The following NEGR1 variants were observed in gnomAD, a reference collection of about 807,000 sequenced individuals.
NEGR1 encodes IgLON family member 4.
NEGR1 carries 10 observed loss-of-function variants against 40.9 expected under a neutral mutation model. That is an observed-to-expected ratio of 0.24 (90% CI 0.15 to 0.42). The LOEUF is 0.42. NEGR1 is among the 10% of genes least tolerant of loss of function. The pLI, the probability that NEGR1 is intolerant of heterozygous loss-of-function variation, is 1.00. For missense variants in NEGR1, 352 were observed against 438.9 expected (o/e 0.80, Z 1.77); for synonymous variants, 185 against 166.8 (o/e 1.11, Z -0.84).
At chr1:71,554,571 C>T (rs1047873704) in intron 6 of NEGR1, among the ~76,000 whole-genome samples, 9 of 151,354 alleles carry the variant, frequency 5.9e-5, no homozygotes, top group Non-Finnish European at 1.3e-4. Flanking sequence ...TCTCACCCTC[C>T]TGCACCCTGT....
At chr1:72,048,355 C>T (rs1647022346) in intron 1 of NEGR1, among the ~76,000 whole-genome samples, 1 of 150,580 alleles carries the variant, frequency 6.6e-6, no homozygotes, top group African/African-American at 2.4e-5. Context: ...AAGCTGAAGT[C>T]TCTACTAAAT....
chr1:71,901,795 T>C (rs1661151243), intron 2 of NEGR1, among the ~76,000 whole-genome samples: 1 of 151,302 alleles, frequency 6.6e-6, no homozygotes, highest in African/African-American at 2.4e-5. Flanking sequence ...CTCAGCCTCC[T>C]GAGTAGCTGC....
intron 3 of NEGR1, among the ~76,000 whole-genome samples, chr1:71,759,817 C>T (rs1655879510): frequency 6.6e-6 from 1 of 151,314 alleles, no homozygotes; most frequent in Non-Finnish European, 1.5e-5. Context: ...GGCATGTCAC[C>T]CTGACTGGTC....
At chr1:72,033,581 C>T (rs1184687107) in intron 1 of NEGR1, among the ~76,000 whole-genome samples, 1 of 152,162 alleles carries the variant, frequency 6.6e-6, no homozygotes, top group East Asian at 1.9e-4. Context: ...AACATATTAA[C>T]ATATGCAACC....
chr1:72,131,551 T>C (rs1650249724), intron 1 of NEGR1, among the ~76,000 whole-genome samples: 1 of 152,182 alleles, frequency 6.6e-6, no homozygotes, highest in African/African-American at 2.4e-5. Flanking sequence ...TATGTAACTG[T>C]GGAACTAGCA....
intron 6 of NEGR1, among the ~76,000 whole-genome samples, chr1:71,453,217 G>A (rs76407726): frequency 0.013 from 2,034 of 152,204 alleles, 18 homozygotes; most frequent in Non-Finnish European, 0.021. Context: ...ATGGATTCAG[G>A]GAGCAGGATA....
intron 4 of NEGR1, among the ~76,000 whole-genome samples, chr1:71,628,212 C>T (rs1650850471): frequency 1.3e-5 from 2 of 151,918 alleles, no homozygotes; most frequent in South Asian, 4.1e-4. Flanking sequence ...ATGGTTCCTG[C>T]CTTAGAGAAG....
intron 2 of NEGR1, among the ~76,000 whole-genome samples, chr1:71,927,211 G>T (rs1645782655): frequency 6.6e-6 from 1 of 152,142 alleles, no homozygotes; most frequent in Admixed American, 6.5e-5. Context: ...ATTCTAGCCA[G>T]AAGGGATTGT....
chr1:71,546,020 G>T (rs1226503072), intron 6 of NEGR1, among the ~76,000 whole-genome samples: 1 of 151,666 alleles, frequency 6.6e-6, no homozygotes, highest in East Asian at 2.0e-4. Context: ...ATAAATCTGT[G>T]TCTGATAAAC....
At chr1:71,952,770 T>C (rs1004146736) in intron 1 of NEGR1, among the ~76,000 whole-genome samples, 20 of 151,964 alleles carry the variant, frequency 1.3e-4, no homozygotes, top group Admixed American at 5.9e-4. Flanking sequence ...GGGACTAGTG[T>C]AACTGATGAC....
At chr1:71,754,354 T>A (rs551862925) in intron 3 of NEGR1, among the ~76,000 whole-genome samples, 1 of 152,340 alleles carries the variant, frequency 6.6e-6, no homozygotes, top group Non-Finnish European at 1.5e-5. Flanking sequence ...TTAAGATACA[T>A]TAGCGTTTCA....
intron 5 of NEGR1, among the ~76,000 whole-genome samples, chr1:71,597,464 C>CTGTGTG (rs1478049057): frequency 2.1e-3 from 41 of 19,168 alleles, no homozygotes; most frequent in South Asian, 9.2e-3. Context: ...CTCTCTCTCT[C>CTGTGTG]TCTCTCTCTG....
At chr1:72,140,128 A>C (rs1313215828) in intron 1 of NEGR1, among the ~76,000 whole-genome samples, 1 of 152,092 alleles carries the variant, frequency 6.6e-6, no homozygotes, top group African/African-American at 2.4e-5. Context: ...CTGGTTGAAG[A>C]GGCTGGAATT....
chr1:71,849,446 C>T (rs973302339), intron 2 of NEGR1, among the ~76,000 whole-genome samples: 15 of 152,000 alleles, frequency 9.9e-5, no homozygotes, highest in Admixed American at 2.0e-4. Context: ...TTTACTGTTA[C>T]GGATGAATAA....
At chr1:71,747,550 A>C (rs1479032219) in intron 3 of NEGR1, among the ~76,000 whole-genome samples, 1 of 151,846 alleles carries the variant, frequency 6.6e-6, no homozygotes, top group Non-Finnish European at 1.5e-5. Flanking sequence ...TCAGCCTCTC[A>C]AGTAGTTGGG....
At chr1:71,997,653 A>T (rs778511267) in intron 1 of NEGR1, among the ~76,000 whole-genome samples, 1 of 151,988 alleles carries the variant, frequency 6.6e-6, no homozygotes, top group Non-Finnish European at 1.5e-5. Flanking sequence ...TACCTTGTAT[A>T]ACTAAGACTC....
rs950873755 is a variant in NEGR1 at position 71,840,711 on chromosome 1, A to C, written c.410-64414T>G. On this transcript the variant is annotated intron_variant, in intron 2 of 6. Coordinates refer to ENST00000357731, the MANE Select transcript of NEGR1 (RefSeq NM_173808.3). ...TTTGTGCCACAACAAAACCTGTGTC[A>C]TGATTAATTTTATGAGTCAGGTTGA... is the stretch of plus-strand genomic sequence containing the variant. Among the ~76,000 whole-genome samples, 11 of 152,304 alleles carry C rather than the reference A, an allele frequency of 7.2e-5. No homozygotes were observed. In the East Asian group the frequency reaches 1.4e-3, roughly 19 times the overall value.
At chr1:72,221,662 T>C (rs1268210288) in intron 1 of NEGR1, among the ~76,000 whole-genome samples, 1 of 152,126 alleles carries the variant, frequency 6.6e-6, no homozygotes, top group South Asian at 2.1e-4. Flanking sequence ...AAAGTAGCCT[T>C]AAACATTAGT....
chr1:72,063,763 T>C (rs1160641306), intron 1 of NEGR1, among the ~76,000 whole-genome samples: 2 of 151,982 alleles, frequency 1.3e-5, no homozygotes, highest in African/African-American at 4.8e-5. Flanking sequence ...TCATACACTA[T>C]ACACATTTTT....
Sources: gnomAD v4.1 joint callset for allele counts (sites outside exome capture counted in the v4.1 genomes callset) on GRCh38, gnomAD v4.1.1 for gene constraint, MANE v1.5 for transcripts, NCBI Gene and HGNC (gene_info 2026-07-23, HGNC 2026-07-21) for gene names.